Variants in KREMEN1 observed in about 807,000 individuals in gnomAD.
KREMEN1 encodes kremen protein 1.
KREMEN1 carries 30 observed loss-of-function variants against 46.5 expected under a neutral mutation model. That is an observed-to-expected ratio of 0.65 (90% CI 0.48 to 0.88). KREMEN1 has a LOEUF of 0.88. KREMEN1 is among the 40% of genes least tolerant of loss of function. KREMEN1 has a pLI of 0.00. For missense variants in KREMEN1, 533 were observed against 596.9 expected (o/e 0.89, Z 1.11); for synonymous variants, 214 against 230.6 (o/e 0.93, Z 0.65).
chr22:29,131,560 A>ATACG, intron 5 of KREMEN1, among the ~76,000 whole-genome samples: 1 of 69,942 alleles, frequency 1.4e-5, no homozygotes, highest in East Asian at 3.3e-4. Flanking sequence ...ATATATATAT[A>ATACG]TGTGTGTGTG....
intron 9 of KREMEN1, among the ~76,000 whole-genome samples, chr22:29,161,431 C>T (rs146726822): frequency 0.018 from 2,659 of 148,316 alleles, 86 homozygotes; most frequent in African/African-American, 0.064. Flanking sequence ...GGCGTGAACC[C>T]GGGAGGCAGA....
At chr22:29,129,880 C>T (rs542820913) in intron 5 of KREMEN1, among the ~76,000 whole-genome samples, 3 of 152,106 alleles carry the variant, frequency 2.0e-5, no homozygotes, top group Non-Finnish European at 4.4e-5. Context: ...ACAACACTGA[C>T]GGGGGCTTCA....
rs955924121 is a variant in KREMEN1, at chr22:29,144,619, T to C, written c.*2507T>C. Reference sequence around the variant, plus strand: ...TTGTGGAATCTCTCTCAAACATAAGTGTCAGGTGTGTGTCGTCCCAACGGG... The same window carrying C: ...TTGTGGAATCTCTCTCAAACATAAGCGTCAGGTGTGTGTCGTCCCAACGGG... On this transcript the variant is annotated 3_prime_UTR_variant, in exon 9 of 9. Coordinates refer to ENST00000400335, the MANE Select transcript of KREMEN1 (RefSeq NM_001039570.3). The C allele has an allele frequency of 1.5e-5, 15 of 985,384 alleles. No individual in the cohort carries two copies. Among genetic ancestry groups the C allele is most frequent in the African/African-American group, 1.0e-4 (6 of 57,248 alleles). 61.0% of individuals were successfully genotyped at this position (985,384 alleles called of 1,614,324 possible). A position where few individuals can be genotyped will look rare whatever the true frequency, so the allele number is the denominator to read the frequency against.
intron 5 of KREMEN1, among the ~76,000 whole-genome samples, chr22:29,128,746 C>A (rs1477246005): frequency 1.3e-5 from 2 of 152,154 alleles, no homozygotes; most frequent in African/African-American, 4.8e-5. Context: ...ATCCTTGTAG[C>A]AATCCTGTTG....
intron 9 of KREMEN1, among the ~76,000 whole-genome samples, chr22:29,165,749 T>C (rs902732182): frequency 6.6e-6 from 1 of 152,238 alleles, no homozygotes; most frequent in African/African-American, 2.4e-5. Flanking sequence ...CAAGGACTGA[T>C]AGAAGTGTCC....
At chr22:29,166,384 C>T (rs1355844460) in intron 9 of KREMEN1, among the ~76,000 whole-genome samples, 1 of 152,144 alleles carries the variant, frequency 6.6e-6, no homozygotes, top group African/African-American at 2.4e-5. Flanking sequence ...TTCCGGGGGT[C>T]ACTTCTGCTC....
At position 29,138,698 on chromosome 22, in the gene KREMEN1, A is replaced by G; in HGVS notation, c.1039A>G (p.Asn347Asp). The G allele has an allele frequency of 6.2e-7, 1 of 1,614,150 alleles. No homozygotes were observed. Among genetic ancestry groups the G allele is most frequent in the South Asian group, 1.1e-5 (1 of 91,086 alleles). ...GGCCGAGGTGATCACGGAGCAGGCC[A>G]ACCTCAGTGTCAGCGCTGCCCGGTC... Reference protein sequence around the residue: ...TVAEVITEQANLSVSAARSSK... With the variant: ...TVAEVITEQADLSVSAARSSK... Residue 347 changes from asparagine (N) to aspartate (D), a missense_variant, in exon 7 of 9, where the codon AAC becomes GAC. Coordinates refer to ENST00000400335, the MANE Select transcript of KREMEN1 (RefSeq NM_001039570.3).
At position 29,144,777 on chromosome 22, in the gene KREMEN1, C is replaced by T; in HGVS notation, c.*2665C>T. 2.0e-6 allele frequency: 2 copies of T among 985,528 alleles called. No homozygotes were observed. The highest frequency in any genetic ancestry group is 9.4e-5 in the South Asian group (2 of 21,292). 61.0% of individuals were successfully genotyped at this position (985,528 alleles called of 1,614,324 possible). On this transcript the variant is annotated 3_prime_UTR_variant, in exon 9 of 9. Coordinates refer to ENST00000400335, the MANE Select transcript of KREMEN1 (RefSeq NM_001039570.3). Reference sequence around the variant, plus strand: ...ACTGACCACTGGCCTCTGGGGTGTCCTGCAGCCCAAATGCCCACCTTGCCC... The same window carrying T: ...ACTGACCACTGGCCTCTGGGGTGTCTTGCAGCCCAAATGCCCACCTTGCCC...
intron 5 of KREMEN1, among the ~76,000 whole-genome samples, chr22:29,136,934 G>A (rs1438394654): frequency 6.6e-6 from 1 of 152,138 alleles, no homozygotes; most frequent in Non-Finnish European, 1.5e-5. Flanking sequence ...TGAGTGGTTC[G>A]TGTGCTTTGT....
chr22:29,139,710 A>G (rs1386163419), intron 7 of KREMEN1, among the ~76,000 whole-genome samples: 2 of 152,172 alleles, frequency 1.3e-5, no homozygotes, highest in Non-Finnish European at 2.9e-5. Flanking sequence ...GAGCTTGAGG[A>G]TGCAGTGAGC....
At chr22:29,105,527 A>G (rs1161819121) in intron 3 of KREMEN1, among the ~76,000 whole-genome samples, 1 of 147,930 alleles carries the variant, frequency 6.8e-6, no homozygotes, top group Admixed American at 6.8e-5. Context: ...ATGAATTCCA[A>G]GCAAGTTGGT....
At chr22:29,096,965 G>C (rs927396629) in intron 2 of KREMEN1, among the ~76,000 whole-genome samples, 2 of 152,242 alleles carry the variant, frequency 1.3e-5, no homozygotes, top group Non-Finnish European at 2.9e-5. Flanking sequence ...TGAGTGATGG[G>C]AATGCACTTT....
chr22:29,114,508 G>GAAAA (rs2038205680), intron 3 of KREMEN1, among the ~76,000 whole-genome samples: 1 of 91,486 alleles, frequency 1.1e-5, no homozygotes, highest in African/African-American at 5.1e-5. Flanking sequence ...AAAAAAAAAG[G>GAAAA]AGCGGAAGAG....
chr22:29,131,534 A>ATC (rs1428024229), intron 5 of KREMEN1, among the ~76,000 whole-genome samples: 168 of 14,512 alleles, frequency 0.012, 5 homozygotes, highest in Admixed American at 0.04. Flanking sequence ...ATATATATAT[A>ATC]TATATATATA....
intron 9 of KREMEN1, among the ~76,000 whole-genome samples, chr22:29,153,574 G>C (rs1158798100): frequency 1.3e-5 from 2 of 151,968 alleles, no homozygotes; most frequent in African/African-American, 4.8e-5. Flanking sequence ...GCCCAGGTTA[G>C]TCTTGAACTC....
At position 29,125,341 on chromosome 22, in the gene KREMEN1, A is replaced by T. The variant is rs752026167; in HGVS notation, c.556A>T (p.Thr186Ser). Residue 186 changes from threonine to serine, a missense_variant, in exon 5 of 9, where the codon ACC (threonine) becomes TCC (serine). Physicochemically the swap from Thr to Ser is moderately conservative, Grantham distance 58. Coordinates refer to ENST00000400335, the MANE Select transcript of KREMEN1 (RefSeq NM_001039570.3). ...CTGGAAGTACGGGGAGGCAGCCAGT[A>T]CCGAATGCAACAGCGTCTGCTTCGG... ...DYWKYGEAAS[T>S]ECNSVCFGDH... is the part of the protein sequence containing the mutation. 5.0e-6 allele frequency: 8 copies of T among 1,614,062 alleles called. No homozygotes were observed. In the Admixed American group the frequency reaches 1.3e-4, roughly 27 times the overall value.
intron 9 of KREMEN1, among the ~76,000 whole-genome samples, chr22:29,155,294 G>C (rs2038951781): frequency 6.6e-6 from 1 of 152,088 alleles, no homozygotes; most frequent in Non-Finnish European, 1.5e-5. Context: ...CAGCACTTTG[G>C]GAGGCCAAGG....
chr22:29,167,220 G>A lies in KREMEN1; in HGVS notation c.*114G>A, dbSNP rs185679362. 5.2e-4 allele frequency: 463 copies of A among 894,494 alleles called. 1 individual carries two copies. The African/African-American group carries it at 6.1e-3, about 12-fold the overall frequency. 55.4% of individuals were successfully genotyped at this position (894,494 alleles called of 1,614,324 possible). A position where few individuals can be genotyped will look rare whatever the true frequency, so the allele number is the denominator to read the frequency against. ...AATGGTGGGCTCTCTCTGGCCCAGC[G>A]TGGTGGTTCATGCCTGTAATACCAG... On this transcript the variant is annotated 3_prime_UTR_variant, in exon 10 of 10. Transcript: ENST00000327813.
chr22:29,085,999 AGAGGGAAGGCCCACATGG>A (rs1206745026), intron 1 of KREMEN1, among the ~76,000 whole-genome samples: 1 of 146,308 alleles, frequency 6.8e-6, no homozygotes, highest in Non-Finnish European at 1.5e-5. Flanking sequence ...AGTGCCTCTC[AGAGGGAAGGCCCACATGG>A]GAGGTGAGGT....
Sources: gnomAD v4.1 joint callset for allele counts (sites outside exome capture counted in the v4.1 genomes callset) on GRCh38, gnomAD v4.1.1 for gene constraint, MANE v1.5 for transcripts, NCBI Gene and HGNC (gene_info 2026-07-23, HGNC 2026-07-21) for gene names.